MDN1: variants seen among roughly 807,000 people sequenced by gnomAD.
MDN1 encodes the protein midasin.
Under a neutral mutation model 669.2 loss-of-function variants are expected in MDN1, and 266 were observed. The observed-to-expected ratio is 0.40, with a 90% CI of 0.36 to 0.44. MDN1 has a LOEUF of 0.44. MDN1 is among the 20% of genes least tolerant of loss of function. The probability of loss-of-function intolerance (pLI) is 1.00; values close to 1 mark genes in which losing one functional copy is unlikely to be tolerated. For synonymous variants in MDN1, 2,385 were observed against 2,457.1 expected (o/e 0.97, Z 0.87); for missense variants, 5,940 against 6,754.0 (o/e 0.88, Z 4.22).
chr6:89,748,298 C>T (rs1209254242), intron 26 of MDN1, among the ~76,000 whole-genome samples: 2 of 152,128 alleles, frequency 1.3e-5, no homozygotes, highest in African/African-American at 4.8e-5. Flanking sequence ...TGCACTCCAG[C>T]CTGGCGACAG....
At chr6:89,707,001 G>A (rs1468968154) in intron 52 of MDN1, among the ~76,000 whole-genome samples, 1 of 151,888 alleles carries the variant, frequency 6.6e-6, no homozygotes, top group African/African-American at 2.4e-5. Flanking sequence ...TTATGAATAT[G>A]TACTTTTTCA....
chr6:89,675,739 A>G, intron 77 of MDN1, 160 bp from the exon 78 acceptor site: 1 of 599,002 alleles, frequency 1.7e-6, no homozygotes, highest in Non-Finnish European at 2.9e-6. Context: ...ATGCTTGCAC[A>G]GATCATTGAG....
intron 5 of MDN1, among the ~76,000 whole-genome samples, chr6:89,792,439 T>C (rs2128326912): frequency 6.6e-6 from 1 of 152,138 alleles, no homozygotes; most frequent in South Asian, 2.1e-4. Context: ...CTAACCAGAA[T>C]CCTTCCCTAT....
intron 79 of MDN1, among the ~76,000 whole-genome samples, 158 bp downstream of exon 79, chr6:89,673,941 TCCCCA>T (rs1241592700): frequency 6.9e-6 from 1 of 143,960 alleles, no homozygotes; most frequent in Admixed American, 7.1e-5. Flanking sequence ...ACACCCCCTA[TCCCCA>T]CCCCACCCCA....
In MDN1 at chr6:89,745,917, A is replaced by T. The variant is rs536665825; in HGVS notation, c.3905-291T>A. Among the ~76,000 whole-genome samples the T allele has an allele frequency of 1.4e-4, 21 of 152,358 alleles. No homozygotes were observed. In the South Asian group the frequency reaches 4.4e-3, roughly 32 times the overall value. ...AAAAATTAAAATGATCCAGATGTCC[A>T]TAACCAAGAGAATGGATAAACAAAC... On this transcript the variant is annotated intron_variant, in intron 27 of 101. Transcript: ENST00000369393.
rs1422736836 is a variant in MDN1, at chr6:89,794,207, C to A, written c.555G>T (p.Trp185Cys). 17 of 1,536,364 alleles carry A rather than the reference C, an allele frequency of 1.1e-5. No individual in the cohort carries two copies. Among genetic ancestry groups the A allele is most frequent in the Non-Finnish European group, 1.2e-5 (14 of 1,133,184 alleles). ...CCAAAGCAAGACAATTGGCTGTATA[C>A]CTAGGGAAAAAGAAAGTATGTAAAT... ...LLRSHDTLVR[W>C]YTANCLALVT... The change falls in exon 4 of 102, where the codon TGG becomes TGT. Residue 185 changes from tryptophan (W) to cysteine (C), a missense_variant and splice_region_variant. Physicochemically the swap from Trp to Cys is radical, Grantham distance 215. This residue lies in a region of MDN1 where 1,203 missense variants were observed against 1,268.9 expected (regional missense o/e 0.95). Coordinates refer to ENST00000369393, the MANE Select transcript of MDN1 (RefSeq NM_014611.3).
In MDN1 at chr6:89,715,774, A is replaced by T; in HGVS notation, c.6744-5T>A. On this transcript the variant is annotated splice_polypyrimidine_tract_variant and splice_region_variant and intron_variant, in intron 44 of 101. Transcript: ENST00000369393. ...AAACGATCCAACACTGATGGGCTGCAGAGACAGAATTCAGATGGTGGATAG... is the reference window on the plus strand; with the variant it reads ...AAACGATCCAACACTGATGGGCTGCTGAGACAGAATTCAGATGGTGGATAG... 6.3e-7 allele frequency: 1 copy of T among 1,586,102 alleles called. No homozygotes were observed. The highest frequency in any genetic ancestry group is 2.2e-5 in the East Asian group (1 of 44,724).
chr6:89,725,963 ACACACG>A (rs372990212), intron 37 of MDN1, among the ~76,000 whole-genome samples: 2 of 138,296 alleles, frequency 1.4e-5, no homozygotes, highest in Admixed American at 7.7e-5. Flanking sequence ...ACACACACAC[ACACACG>A]TATATATACA....
Position 89,674,090 on chromosome 6 carries a change from A to G in MDN1, c.13247+14T>C. The G allele has an allele frequency of 6.2e-7, 1 of 1,612,710 alleles. No individual in the cohort carries two copies. On this transcript the variant is annotated intron_variant, in intron 79 of 101. Coordinates refer to ENST00000369393, the MANE Select transcript of MDN1 (RefSeq NM_014611.3). ...TAAGCACACAGAGAAGTGTAAAGAC[A>G]TAGACACACTTACCAAGAATGAAAG... is the stretch of plus-strand genomic sequence containing the variant.
intron 26 of MDN1, among the ~76,000 whole-genome samples, chr6:89,748,835 GGATCCCTTGAGCCCAGGA>G (rs1816803335): frequency 6.6e-6 from 1 of 151,994 alleles, no homozygotes; most frequent in South Asian, 2.1e-4. Context: ...CAAGGTGGGT[GGATCCCTTGAGCCCAGGA>G]GTTCGAGACC....
intron 11 of MDN1, among the ~76,000 whole-genome samples, chr6:89,779,837 G>C (rs1371353111): frequency 6.6e-6 from 1 of 152,108 alleles, no homozygotes; most frequent in African/African-American, 2.4e-5. Context: ...AGGCCGACGT[G>C]GGTGGATCAC....
Position 89,658,701 on chromosome 6 carries a change from T to G in MDN1, c.14930A>C (p.Glu4977Ala). The change falls in exon 89 of 102, where the codon GAG becomes GCG. Residue 4977 changes from glutamate (E) to alanine (A), a missense_variant. Coordinates refer to ENST00000369393, the MANE Select transcript of MDN1 (RefSeq NM_014611.3). ...DAAQHPEEHS[E>A]EQQQSVEEKD... ...TTCCTCCACAGACTGCTGCTGCTCCTCAGAGTGTTCTTCAGGATGCTGAGC... is the reference window on the plus strand; with the variant it reads ...TTCCTCCACAGACTGCTGCTGCTCCGCAGAGTGTTCTTCAGGATGCTGAGC... 1 of 1,614,210 alleles carries G rather than the reference T, an allele frequency of 6.2e-7. No homozygotes were observed. Among genetic ancestry groups the G allele is most frequent in the Non-Finnish European group, 8.5e-7 (1 of 1,180,026 alleles).
Position 89,662,857 on chromosome 6 carries a change from C to T in MDN1, c.14347G>A (p.Asp4783Asn). Reference protein sequence around the residue: ...KLDERLWGDDDEEEDEEEEDN... With the variant: ...KLDERLWGDDNEEEDEEEEDN... ...TCTTCCTCCTCATCTTCCTCCTCATCATCATCACCCCAAAGCCTCTCATCT... is the reference window on the plus strand; with the variant it reads ...TCTTCCTCCTCATCTTCCTCCTCATTATCATCACCCCAAAGCCTCTCATCT... Residue 4783 changes from aspartate (D) to asparagine (N), a missense_variant, in exon 86 of 102, where the codon GAT (aspartate) becomes AAT (asparagine). Physicochemically the swap from Asp to Asn is conservative, Grantham distance 23. This residue lies in a region of MDN1 where 2,280 missense variants were observed against 2,576.3 expected (regional missense o/e 0.88). Transcript: ENST00000369393. The T allele has an allele frequency of 4.3e-6, 7 of 1,614,066 alleles. No individual in the cohort carries two copies. The highest frequency in any genetic ancestry group is 5.9e-6 in the Non-Finnish European group (7 of 1,179,970).
At chr6:89,646,442 A>T in intron 100 of MDN1, 98 bp downstream of exon 100, 2 of 962,594 alleles carry the variant, frequency 2.1e-6, no homozygotes, top group Non-Finnish European at 3.3e-6. Flanking sequence ...CATACCTATT[A>T]AAACACAGTG....
chr6:89,676,113 T>G lies in MDN1; in HGVS notation c.12634A>C (p.Thr4212Pro). Residue 4212 changes from threonine (T) to proline (P), a missense_variant, in exon 77 of 102, where the codon ACT becomes CCT. Thr to Pro is a conservative substitution (Grantham distance 38, BLOSUM62 -1). Around this residue, in one of 5 missense-constraint regions of MDN1, gnomAD observed 2,280 missense variants for 2,576.3 expected, o/e 0.88. Coordinates refer to ENST00000369393, the MANE Select transcript of MDN1 (RefSeq NM_014611.3). ...RHARLNAALA[T>P]PAKEMGMGNV... The stretch of plus-strand genomic sequence containing the variant: ...TTCTATCATTCTACCTTGGCAGGAG[T>G]TGCTAGTGCTGCGTTAAGCCTGGCA... The G allele has an allele frequency of 6.2e-7, 1 of 1,613,964 alleles. No individual in the cohort carries two copies.
rs374759478 is a variant in MDN1, at chr6:89,674,505, G to A, written c.12846C>T (p.Gly4282=). Residue 4282 remains glycine, a synonymous_variant, in exon 79 of 102, where the codon GGC becomes GGT. Transcript: ENST00000369393. ...GCAGGCGCTCTGTCCACTGCTGCAC[G>A]CCATCCTGAGGGGGGAAGGCCACGG... ...AYPVAFPPQD[G]VQQWTERLQH... is the part of the protein sequence containing the mutation. 25 of 1,610,676 alleles carry A rather than the reference G, an allele frequency of 1.6e-5. No homozygotes were observed. Among genetic ancestry groups the A allele is most frequent in the Non-Finnish European group, 1.9e-5 (23 of 1,179,834 alleles).
At chr6:89,739,534 C>T (rs1816176006) in intron 32 of MDN1, among the ~76,000 whole-genome samples, 1 of 152,152 alleles carries the variant, frequency 6.6e-6, no homozygotes, top group Non-Finnish European at 1.5e-5. Flanking sequence ...AGATCAACCC[C>T]TCTGTTTCTT....
At chr6:89,791,919 G>C (rs890718030) in intron 5 of MDN1, among the ~76,000 whole-genome samples, 1 of 137,228 alleles carries the variant, frequency 7.3e-6, no homozygotes, top group African/African-American at 2.8e-5. Flanking sequence ...TCACTCTGGA[G>C]TGCAGTGGCA....
chr6:89,675,846 C>T (rs916936701), intron 77 of MDN1: 2 of 556,322 alleles, frequency 3.6e-6, no homozygotes, highest in African/African-American at 1.9e-5. Context: ...ATGGCATTCT[C>T]AATTTGAAGT....
Sources: gnomAD v4.1 joint callset for allele counts (sites outside exome capture counted in the v4.1 genomes callset) on GRCh38, gnomAD v4.1.1 for gene constraint, gnomAD v4.1.1 regional missense constraint, MANE v1.5 for transcripts, NCBI Gene and HGNC (gene_info 2026-07-23, HGNC 2026-07-21) for gene names.